Variants in PBX1 observed in about 807,000 individuals in gnomAD.
PBX1 encodes the protein PBX homeobox 1.
PBX1 carries 6 observed loss-of-function variants against 53.4 expected under a neutral mutation model. That is an observed-to-expected ratio of 0.11 (90% confidence interval 0.06 to 0.22). PBX1 has a LOEUF of 0.22. Among genes scored for constraint, PBX1 ranks in the 10% least tolerant of loss-of-function variants. The probability of loss-of-function intolerance (pLI) is 1.00; values close to 1 mark genes in which losing one functional copy is unlikely to be tolerated. For missense variants in PBX1, 251 were observed against 551.4 expected, an observed-to-expected ratio of 0.46 and a Z score of 5.46; for synonymous variants, 204 against 212.3, an observed-to-expected ratio of 0.96 and a Z score of 0.34.
intron 2 of PBX1, among the ~76,000 whole-genome samples, chr1:164,617,138 C>G (rs1266642170): frequency 1.3e-5 from 2 of 152,058 alleles, no homozygotes; most frequent in Non-Finnish European, 2.9e-5. Flanking sequence ...ATTTTTATCC[C>G]CCCTAGAGAT....
chr1:164,748,303 G>T (rs148612960), intron 2 of PBX1, among the ~76,000 whole-genome samples: 1 of 152,078 alleles, frequency 6.6e-6, no homozygotes, highest in African/African-American at 2.4e-5. Flanking sequence ...GACTTTCCTC[G>T]CCTCACGTTT....
At chr1:164,659,970 C>G (rs1388721054) in intron 2 of PBX1, among the ~76,000 whole-genome samples, 1 of 152,166 alleles carries the variant, frequency 6.6e-6, no homozygotes, top group Admixed American at 6.5e-5. Context: ...GAGGCACTGC[C>G]TATCTGTCCA....
At chr1:164,646,817 G>A (rs1383457848) in intron 2 of PBX1, among the ~76,000 whole-genome samples, 1 of 152,224 alleles carries the variant, frequency 6.6e-6, no homozygotes, top group African/African-American at 2.4e-5. Context: ...TCACAGAGGT[G>A]TGTTTGCTTT....
intron 8 of PBX1, among the ~76,000 whole-genome samples, chr1:164,843,045 G>T (rs1344485960): frequency 6.6e-6 from 1 of 151,998 alleles, no homozygotes; most frequent in Non-Finnish European, 1.5e-5. Context: ...GCTCCCCAGG[G>T]TTAACGTGGC....
rs1400597359 is a variant in PBX1 at position 164,567,215 on chromosome 1, C to T, written c.265+3904C>T. Reference sequence around the variant, plus strand: ...ATGTTTGCATATGTAGGTGGAGGGGCGGTGGGTTATGGAAGGAAGCTAGAG... The same window carrying T: ...ATGTTTGCATATGTAGGTGGAGGGGTGGTGGGTTATGGAAGGAAGCTAGAG... On this transcript the variant is annotated intron_variant, in intron 2 of 8. Coordinates refer to ENST00000420696, the MANE Select transcript of PBX1 (RefSeq NM_002585.4). 3.3e-5 allele frequency among the ~76,000 whole-genome samples: 5 copies of T among 151,798 alleles called. No individual in the cohort carries two copies. The South Asian group carries it at 6.3e-4, about 19-fold the overall frequency.
chr1:164,667,204 T>C (rs1350022199), intron 2 of PBX1, among the ~76,000 whole-genome samples: 1 of 152,212 alleles, frequency 6.6e-6, no homozygotes, highest in Non-Finnish European at 1.5e-5. Flanking sequence ...TTTTTCTTAC[T>C]GATTTCATCT....
intron 7 of PBX1, 23 bp downstream of exon 7, chr1:164,820,207 A>T (rs1538488): frequency 1.5e-6 from 2 of 1,345,088 alleles, no homozygotes; most frequent in East Asian, 2.3e-5. Flanking sequence ...CCAATATGTC[A>T]CCAGGTGAAT....
chr1:164,567,437 AT>A (rs765343861), intron 2 of PBX1, among the ~76,000 whole-genome samples: 3,835 of 145,612 alleles, frequency 0.026, 51 homozygotes, highest in Non-Finnish European at 0.034. Flanking sequence ...AATTTGGTTC[AT>A]TTTTTTTTTT....
In PBX1 at chr1:164,848,919, A is replaced by G; in HGVS notation, c.*2243A>G. Reference sequence around the variant, plus strand: ...AAATGCAAAAACTAAGTATTTAGCAAAATGAAATTATGCCTTGATGACTAA... The same window carrying G: ...AAATGCAAAAACTAAGTATTTAGCAGAATGAAATTATGCCTTGATGACTAA... On this transcript the variant is annotated 3_prime_UTR_variant, in exon 9 of 9. Coordinates refer to ENST00000420696, the MANE Select transcript of PBX1 (RefSeq NM_002585.4). 1.9e-6 allele frequency: 2 copies of G among 1,070,908 alleles called. No homozygotes were observed. Among genetic ancestry groups the G allele is most frequent in the Non-Finnish European group, 2.3e-6 (2 of 883,102 alleles). The allele number at this position is 1,070,908 out of a possible 1,614,324, so 66.3% of individuals were successfully genotyped here. A position where few individuals can be genotyped will look rare whatever the true frequency, so the allele number is the denominator to read the frequency against.
intron 2 of PBX1, among the ~76,000 whole-genome samples, chr1:164,604,209 A>G (rs12757456): frequency 0.19 from 28,481 of 152,064 alleles, 3,101 homozygotes; most frequent in Non-Finnish European, 0.25. Context: ...CCAAAGTGCT[A>G]TGATTACAGG....
chr1:164,744,432 C>G (rs1236977856), intron 2 of PBX1, among the ~76,000 whole-genome samples: 1 of 152,202 alleles, frequency 6.6e-6, no homozygotes, highest in Non-Finnish European at 1.5e-5. Context: ...CAGAGCCCCT[C>G]TTAACTGAAA....
In PBX1 at chr1:164,849,558, A is replaced by G; in HGVS notation, c.*2882A>G. ...CCAGGATTTCTTCATTTTCTAATAG[A>G]TGTGGGAGTGCTCCATTTTCCCCGA... On this transcript the variant is annotated 3_prime_UTR_variant, in exon 9 of 9. Transcript: ENST00000420696. 1 of 1,130,056 alleles carries G rather than the reference A, an allele frequency of 8.8e-7. No homozygotes were observed. Among genetic ancestry groups the G allele is most frequent in the Non-Finnish European group, 1.2e-6 (1 of 817,016 alleles). The allele number at this position is 1,130,056 out of a possible 1,614,324, so 70.0% of individuals were successfully genotyped here. A position where few individuals can be genotyped will look rare whatever the true frequency, so the allele number is the denominator to read the frequency against.
At chr1:164,852,420 G>A (rs1417711126), downstream of PBX1, among the ~76,000 whole-genome samples, 9 of 152,294 alleles carry the variant, frequency 5.9e-5, no homozygotes, top group African/African-American at 2.2e-4. Context: ...GACCTTTGAG[G>A]TTTCGAAGTG....
At chr1:164,827,441 A>G (rs1670524556) in intron 8 of PBX1, among the ~76,000 whole-genome samples, 1 of 152,180 alleles carries the variant, frequency 6.6e-6, no homozygotes, top group African/African-American at 2.4e-5. Context: ...ACTGAGGGGT[A>G]AAGGTACCAA....
At chr1:164,580,973 C>T (rs1654575555) in intron 2 of PBX1, among the ~76,000 whole-genome samples, 2 of 152,144 alleles carry the variant, frequency 1.3e-5, no homozygotes, top group South Asian at 4.1e-4. Context: ...GTCACCTTTC[C>T]TAGTTCCTTC....
intron 2 of PBX1, among the ~76,000 whole-genome samples, chr1:164,686,928 G>C (rs1328571784): frequency 6.6e-6 from 1 of 151,736 alleles, no homozygotes; most frequent in East Asian, 1.9e-4. Context: ...CTGCACTCCA[G>C]CCTGGGCGAC....
chr1:164,720,654 A>G (rs140204715), intron 2 of PBX1, among the ~76,000 whole-genome samples: 2 of 152,282 alleles, frequency 1.3e-5, no homozygotes, highest in African/African-American at 4.8e-5. Flanking sequence ...GAAGCCCCTC[A>G]AGGATACCTT....
At chr1:164,795,895 C>G (rs1031270960) in intron 3 of PBX1, among the ~76,000 whole-genome samples, 4 of 152,140 alleles carry the variant, frequency 2.6e-5, no homozygotes, top group African/African-American at 9.7e-5. Context: ...TGGCAGATAA[C>G]TATACAATAA....
intron 2 of PBX1, among the ~76,000 whole-genome samples, chr1:164,593,851 C>T (rs1655576679): frequency 1.3e-5 from 2 of 152,094 alleles, no homozygotes; most frequent in South Asian, 4.2e-4. Context: ...CTGAGAATCT[C>T]TTGCTCTCGA....
Sources: allele counts gnomAD v4.1 joint callset (sites outside exome capture counted in the v4.1 genomes callset), GRCh38; gene constraint gnomAD v4.1.1; transcripts MANE v1.5; gene names NCBI Gene and HGNC (gene_info 2026-07-23, HGNC 2026-07-21).